Variants in CPNE4 observed in about 807,000 individuals in gnomAD.
CPNE4 encodes the protein copine 4.
In CPNE4, 25 loss-of-function variants were observed where a neutral mutation model predicts 67.9. The ratio of observed to expected loss-of-function variants is 0.37; its 90% CI spans 0.27 to 0.51. CPNE4 has a LOEUF of 0.51. Among genes scored for constraint, CPNE4 ranks in the 20% least tolerant of loss-of-function variants. The probability of loss-of-function intolerance (pLI) is 0.93; values close to 1 mark genes in which losing one functional copy is unlikely to be tolerated. For missense variants in CPNE4, 464 were observed against 690.8 expected (o/e 0.67, Z 3.68); for synonymous variants, 242 against 244.9 (o/e 0.99, Z 0.11).
chr3:131,570,338 T>TTTA (rs1491306064), intron 10 of CPNE4, among the ~76,000 whole-genome samples: 1 of 149,886 alleles, frequency 6.7e-6, no homozygotes, highest in African/African-American at 2.5e-5. Context: ...TTTATTTTTT[T>TTTA]AAAATTTTTT....
intron 1 of CPNE4, among the ~76,000 whole-genome samples, chr3:131,920,683 C>G (rs1308765155): frequency 6.6e-6 from 1 of 151,682 alleles, no homozygotes; most frequent in Non-Finnish European, 1.5e-5. Flanking sequence ...TCTCCGGAAC[C>G]AGGAACTAGG....
At chr3:132,010,466 G>C (rs2073730581) in intron 1 of CPNE4, among the ~76,000 whole-genome samples, 1 of 151,970 alleles carries the variant, frequency 6.6e-6, no homozygotes, top group Non-Finnish European at 1.5e-5. Flanking sequence ...TTCTTTAGAG[G>C]GTTCCTTGAC....
intron 7 of CPNE4, among the ~76,000 whole-genome samples, chr3:131,599,767 A>C (rs887865141): frequency 1.3e-5 from 2 of 152,154 alleles, no homozygotes; most frequent in African/African-American, 4.8e-5. Flanking sequence ...TGGGTCCAGG[A>C]AAAAAGAACT....
chr3:131,552,831 T>C (rs1206559834), intron 12 of CPNE4, among the ~76,000 whole-genome samples: 1 of 152,090 alleles, frequency 6.6e-6, no homozygotes, highest in South Asian at 2.1e-4. Flanking sequence ...GGCTTAGATT[T>C]GGCTGAGCTC....
At chr3:131,604,636 C>T (rs908590169) in intron 7 of CPNE4, among the ~76,000 whole-genome samples, 1 of 152,098 alleles carries the variant, frequency 6.6e-6, no homozygotes, top group African/African-American at 2.4e-5. Flanking sequence ...TTGAATCCTT[C>T]CTGCCCTCGA....
At chr3:132,012,513 A>G (rs529277614) in intron 1 of CPNE4, among the ~76,000 whole-genome samples, 1 of 152,156 alleles carries the variant, frequency 6.6e-6, no homozygotes, top group East Asian at 1.9e-4. Flanking sequence ...CTCCTTGGTC[A>G]CAGTGTGCTG....
At chr3:131,619,460 G>T (rs1230787051) in intron 7 of CPNE4, among the ~76,000 whole-genome samples, 2 of 152,180 alleles carry the variant, frequency 1.3e-5, no homozygotes, top group Non-Finnish European at 2.9e-5. Flanking sequence ...ATGAAGGGCG[G>T]TAAGAGAAGA....
At chr3:131,854,824 C>T (rs550357994) in intron 2 of CPNE4, among the ~76,000 whole-genome samples, 74 of 151,744 alleles carry the variant, frequency 4.9e-4, no homozygotes, top group African/African-American at 1.6e-3. Context: ...TTCTCTCCCT[C>T]CTTTCATTTC....
intron 6 of CPNE4, among the ~76,000 whole-genome samples, chr3:131,678,732 T>TC (rs1161804707): frequency 3.0e-4 from 46 of 152,356 alleles, no homozygotes; most frequent in Admixed American, 2.5e-3. Flanking sequence ...ATGTGATGAA[T>TC]CACATTTATT....
chr3:131,568,683 C>G (rs1293857162), intron 10 of CPNE4, among the ~76,000 whole-genome samples: 1 of 151,900 alleles, frequency 6.6e-6, no homozygotes, highest in Non-Finnish European at 1.5e-5. Context: ...GCAAAATGCC[C>G]CCTCCATGAC....
At chr3:131,692,964 T>C (rs969671624) in intron 5 of CPNE4, among the ~76,000 whole-genome samples, 3 of 152,328 alleles carry the variant, frequency 2.0e-5, no homozygotes, top group South Asian at 2.1e-4. Flanking sequence ...TGCCGACTAG[T>C]TGCTAATGTA....
intron 2 of CPNE4, among the ~76,000 whole-genome samples, chr3:131,884,453 C>A (rs2087800313): frequency 6.6e-6 from 1 of 152,120 alleles, no homozygotes; most frequent in Admixed American, 6.5e-5. Context: ...ACACTAGTCT[C>A]TAGGAAGGGG....
chr3:131,772,373 T>G (rs188607790), intron 2 of CPNE4, among the ~76,000 whole-genome samples: 1 of 152,148 alleles, frequency 6.6e-6, no homozygotes, highest in East Asian at 1.9e-4. Flanking sequence ...CTCAAGAGTG[T>G]TGCCACAGTA....
chr3:131,905,523 C>G (rs2088713548), intron 1 of CPNE4, 79 bp from the exon 2 acceptor site: 1 of 1,312,384 alleles, frequency 7.6e-7, no homozygotes, highest in Admixed American at 2.6e-5. Flanking sequence ...CTCCCAATCA[C>G]CCTTCAGAAA....
At chr3:131,618,158 G>T (rs1296493835) in intron 7 of CPNE4, among the ~76,000 whole-genome samples, 2 of 152,142 alleles carry the variant, frequency 1.3e-5, no homozygotes, top group Non-Finnish European at 2.9e-5. Context: ...GGGAGACTTT[G>T]GCTGACTACC....
intron 2 of CPNE4, among the ~76,000 whole-genome samples, chr3:131,832,923 T>C (rs1217969949): frequency 6.6e-6 from 1 of 152,124 alleles, no homozygotes; most frequent in African/African-American, 2.4e-5. Context: ...ACTGTTACGC[T>C]CAGTCAAAAT....
intron 2 of CPNE4, among the ~76,000 whole-genome samples, chr3:131,764,876 C>T (rs575452771): frequency 9.0e-4 from 137 of 152,176 alleles, no homozygotes; most frequent in African/African-American, 3.2e-3. Context: ...CATTGAAGAG[C>T]TCTGAGATTG....
intron 2 of CPNE4, among the ~76,000 whole-genome samples, chr3:131,874,801 T>G (rs559364590): frequency 2.0e-5 from 3 of 152,130 alleles, no homozygotes; most frequent in African/African-American, 2.4e-5. Context: ...CTTGTGACAA[T>G]GGGAAACGTT....
chr3:131,847,866 C>T (rs2086064547), intron 2 of CPNE4, among the ~76,000 whole-genome samples: 1 of 152,112 alleles, frequency 6.6e-6, no homozygotes, highest in Non-Finnish European at 1.5e-5. Context: ...CTTCTGAACT[C>T]GAGGGTGAAA....
Sources: gnomAD v4.1 joint callset for allele counts (sites outside exome capture counted in the v4.1 genomes callset) on GRCh38, gnomAD v4.1.1 for gene constraint, MANE v1.5 for transcripts, NCBI Gene and HGNC (gene_info 2026-07-23, HGNC 2026-07-21) for gene names.